The following ALKBH8 variants were observed in gnomAD, a reference collection of about 807,000 sequenced individuals.
The protein encoded by ALKBH8 is tRNA (carboxymethyluridine(34)-5-O)-methyltransferase ALKBH8.
A neutral mutation model predicts 59.8 loss-of-function variants in ALKBH8; 36 were observed. The ratio of observed to expected loss-of-function variants is 0.60; its 90% CI spans 0.46 to 0.79. The LOEUF (loss-of-function observed/expected upper bound fraction) is 0.79, where lower values mean the gene tolerates loss of function less well. Ranked by LOEUF, ALKBH8 falls within the 30% of genes least tolerant of loss-of-function variation. ALKBH8 has a pLI of 0.00. For missense variants in ALKBH8, 768 were observed against 801.0 expected (o/e 0.96, Z 0.50); for synonymous variants, 276 against 273.6 (o/e 1.01, Z -0.09).
intron 7 of ALKBH8, among the ~76,000 whole-genome samples, chr11:107,545,867 A>G (rs751129075): frequency 6.6e-6 from 1 of 152,230 alleles, no homozygotes; most frequent in Non-Finnish European, 1.5e-5. Flanking sequence ...TTTAAATCAC[A>G]TGCAAATCCA....
At chr11:107,510,786 A>G in intron 11 of ALKBH8, 101 bp downstream of exon 11, 2 of 1,235,006 alleles carry the variant, frequency 1.6e-6, no homozygotes, top group Non-Finnish European at 2.2e-6. Context: ...GAGAACGGAA[A>G]GAACTGAAAA....
At chr11:107,533,981 T>C (rs1331013726) in intron 7 of ALKBH8, among the ~76,000 whole-genome samples, 1 of 151,972 alleles carries the variant, frequency 6.6e-6, no homozygotes, top group East Asian at 1.9e-4. Context: ...ATACAAAACA[T>C]TAGCCGGGCA....
chr11:107,524,671 T>C (rs915683939), intron 9 of ALKBH8, among the ~76,000 whole-genome samples: 3 of 152,208 alleles, frequency 2.0e-5, no homozygotes, highest in African/African-American at 7.2e-5. Flanking sequence ...AACATCAGGA[T>C]ATAAAATATA....
At chr11:107,525,674 A>G (rs1377396487) in intron 8 of ALKBH8, 82 bp from the exon 9 acceptor site, 1 of 939,070 alleles carries the variant, frequency 1.1e-6, no homozygotes, top group East Asian at 3.2e-5. Flanking sequence ...AAGTGAATAG[A>G]GAAAATCTAG....
chr11:107,532,185 G>T, intron 8 of ALKBH8, 115 bp downstream of exon 8: 1 of 755,788 alleles, frequency 1.3e-6, no homozygotes. Flanking sequence ...GCCCCTAGGA[G>T]TTCTGAACCC....
chr11:107,509,603 T>C (rs1260947896), intron 11 of ALKBH8, among the ~76,000 whole-genome samples: 1 of 152,218 alleles, frequency 6.6e-6, no homozygotes, highest in Non-Finnish European at 1.5e-5. Flanking sequence ...TTCCTCCTGT[T>C]TTCTTCTTAG....
rs746011752 is a variant in ALKBH8 at position 107,525,558 on chromosome 11, A to G, written c.913T>C (p.Ser305Pro). 3 of 1,496,722 alleles carry G rather than the reference A, an allele frequency of 2.0e-6. No homozygotes were observed. Among genetic ancestry groups the G allele is most frequent in the South Asian group, 1.3e-5 (1 of 75,770 alleles). 92.7% of individuals were successfully genotyped at this position (1,496,722 alleles called of 1,614,324 possible). A position where few individuals can be genotyped will look rare whatever the true frequency, so the allele number is the denominator to read the frequency against. ...TCRKFDTVQA[S>P]ESLKSGIITS... ...ATAATTCCACTTTTAAGACTCTCAG[A>G]TGCTTGAACAGTATCAAATTTTCTG... The change falls in exon 9 of 12, where the codon TCT becomes CCT. Residue 305 changes from serine to proline, a missense_variant. Coordinates refer to ENST00000428149, the MANE Select transcript of ALKBH8 (RefSeq NM_138775.3).
chr11:107,520,273 A>G (rs888204199), intron 10 of ALKBH8, among the ~76,000 whole-genome samples: 1 of 152,212 alleles, frequency 6.6e-6, no homozygotes, highest in Admixed American at 6.5e-5. Context: ...TCCAGGGAAC[A>G]ACAGACAGGA....
intron 2 of ALKBH8, among the ~76,000 whole-genome samples, chr11:107,557,876 T>C (rs1864780883): frequency 6.6e-6 from 1 of 152,214 alleles, no homozygotes; most frequent in Non-Finnish European, 1.5e-5. Flanking sequence ...ATGTAAAGAT[T>C]TTTAATTTAT....
chr11:107,532,499 C>A (rs1345884590), intron 7 of ALKBH8, 93 bp from the exon 8 acceptor site: 2 of 993,060 alleles, frequency 2.0e-6, no homozygotes, highest in East Asian at 2.5e-5. Flanking sequence ...TTTTTCTAGG[C>A]TAACAGAGAT....
chr11:107,538,955 T>G (rs1007413470), intron 7 of ALKBH8, among the ~76,000 whole-genome samples: 2 of 152,222 alleles, frequency 1.3e-5, no homozygotes, highest in Non-Finnish European at 2.9e-5. Context: ...CAGAACTTAC[T>G]ATATTTAACT....
At chr11:107,559,574 T>A (rs479193) in intron 2 of ALKBH8, among the ~76,000 whole-genome samples, 6,871 of 151,936 alleles carry the variant, frequency 0.045, 334 homozygotes, top group East Asian at 0.23. Flanking sequence ...TCTTGGAAAG[T>A]GATGAGAGCA....
At chr11:107,554,352 G>A (rs1231586045) in intron 3 of ALKBH8, among the ~76,000 whole-genome samples, 2 of 152,014 alleles carry the variant, frequency 1.3e-5, no homozygotes, top group African/African-American at 2.4e-5. Context: ...TTGCTCTTAG[G>A]CTCTTGATAC....
At chr11:107,555,803 C>A (rs943934821) in intron 3 of ALKBH8, among the ~76,000 whole-genome samples, 10 of 152,162 alleles carry the variant, frequency 6.6e-5, no homozygotes, top group African/African-American at 2.2e-4. Context: ...CAATACATCT[C>A]ATTTTCATGG....
At chr11:107,509,323 T>C (rs149274842) in intron 11 of ALKBH8, among the ~76,000 whole-genome samples, 1 of 152,236 alleles carries the variant, frequency 6.6e-6, no homozygotes, top group Non-Finnish European at 1.5e-5. Context: ...GAAAAATGTC[T>C]ATTTAAGTCC....
intron 8 of ALKBH8, among the ~76,000 whole-genome samples, chr11:107,527,349 T>C (rs1863397433): frequency 6.6e-6 from 1 of 151,960 alleles, no homozygotes; most frequent in Non-Finnish European, 1.5e-5. Context: ...GCAAATTATA[T>C]AAAAATATAA....
At chr11:107,527,024 T>C (rs1863385138) in intron 8 of ALKBH8, among the ~76,000 whole-genome samples, 1 of 151,978 alleles carries the variant, frequency 6.6e-6, no homozygotes, top group Non-Finnish European at 1.5e-5. Flanking sequence ...TGTTTCAAGA[T>C]TGTTTTGACA....
Position 107,560,746 on chromosome 11 carries a change from A to G in ALKBH8, c.129+19T>C. The G allele has an allele frequency of 6.3e-7, 1 of 1,588,060 alleles. No individual in the cohort carries two copies. Among genetic ancestry groups the G allele is most frequent in the Non-Finnish European group, 8.6e-7 (1 of 1,168,104 alleles). ...GTCAGTACATTTACATTCTAATAAT[A>G]ATAGTAGTTTTAGGTCACCTGAGTG... On this transcript the variant is annotated intron_variant, in intron 2 of 11. Transcript: ENST00000428149.
chr11:107,548,826 CTTCCAG>C (rs1864372589), intron 7 of ALKBH8, among the ~76,000 whole-genome samples: 2 of 151,364 alleles, frequency 1.3e-5, no homozygotes, highest in Non-Finnish European at 2.9e-5. Flanking sequence ...TTTAAGGACT[CTTCCAG>C]ATTTAAAATT....
Sources: gnomAD v4.1 joint callset for allele counts (sites outside exome capture counted in the v4.1 genomes callset) on GRCh38, gnomAD v4.1.1 for gene constraint, MANE v1.5 for transcripts, NCBI Gene and HGNC (gene_info 2026-07-23, HGNC 2026-07-21) for gene names.